Variants in JCAD observed in about 807,000 individuals in gnomAD.
The protein encoded by JCAD is junctional cadherin 5-associated protein.
A neutral mutation model predicts 98.0 loss-of-function variants in JCAD; 40 were observed. The ratio of observed to expected loss-of-function variants is 0.41; its 90% confidence interval spans 0.32 to 0.53. JCAD has a LOEUF of 0.53. JCAD is among the 20% of genes least tolerant of loss of function. The pLI is 0.31. For missense variants in JCAD, 1,705 were observed against 1,738.1 expected (o/e 0.98, Z 0.34); for synonymous variants, 691 against 682.3 (o/e 1.01, Z -0.20).
chr10:30,025,787 G>C (rs1836777457), intron 3 of JCAD, among the ~76,000 whole-genome samples: 1 of 151,930 alleles, frequency 6.6e-6, no homozygotes, highest in African/African-American at 2.4e-5. Flanking sequence ...TACTCGGGAG[G>C]CTGAGGTGGG....
intron 1 of JCAD, among the ~76,000 whole-genome samples, chr10:30,082,649 T>A (rs1415693162): frequency 1.3e-5 from 2 of 151,612 alleles, no homozygotes; most frequent in East Asian, 3.9e-4. Context: ...GTCAGCAGTT[T>A]GAGACCAGCC....
In JCAD at chr10:30,029,162, C is replaced by A. The variant is rs762207974; in HGVS notation, c.986G>T (p.Cys329Phe). Residue 329 changes from cysteine (C) to phenylalanine (F), a missense_variant, in exon 3 of 4, where the codon TGC becomes TTC. Cys to Phe is a radical substitution (Grantham distance 205). Transcript: ENST00000375377. ...AGGTTCCAATCCAGGGTCTGACAGG[C>A]AGAGCTCATGCCTGGGGACATAGGC... ...MDAYVPRHEL[C>F]LSDPGLEPPV... 4 of 1,614,176 alleles carry A rather than the reference C, an allele frequency of 2.5e-6. No homozygotes were observed. Among genetic ancestry groups the A allele is most frequent in the South Asian group, 2.2e-5 (2 of 91,076 alleles).
In JCAD at chr10:30,015,566, C is replaced by T. The variant is rs1391138374; in HGVS notation, c.*2317G>A. 1.3e-5 allele frequency: 2 copies of T among 152,100 alleles called. No homozygotes were observed. The highest frequency in any genetic ancestry group is 4.8e-5 in the African/African-American group (2 of 41,422). The allele number at this position is 152,100 out of a possible 1,614,324, so 9.4% of individuals were successfully genotyped here. On this transcript the variant is annotated 3_prime_UTR_variant, in exon 4 of 4. Coordinates refer to ENST00000375377, the MANE Select transcript of JCAD (RefSeq NM_020848.4). ...ATGGTTTCAGAAAGATATGATACAA[C>T]AATTTAAGATAACAAAACAGAAGCG...
chr10:30,110,286 A>G (rs1838667502), intron 1 of JCAD, among the ~76,000 whole-genome samples: 1 of 150,304 alleles, frequency 6.7e-6, no homozygotes, highest in Non-Finnish European at 1.5e-5. Flanking sequence ...TGTATAGACC[A>G]GCTGATGTAT....
intron 1 of JCAD, among the ~76,000 whole-genome samples, chr10:30,079,047 C>T (rs1014961648): frequency 2.6e-5 from 4 of 152,136 alleles, no homozygotes; most frequent in African/African-American, 9.7e-5. Context: ...AGCAGGGAAA[C>T]CCACCTCTGC....
rs780738113 is a variant in JCAD, at chr10:30,027,251, T to G, written c.2897A>C (p.Asp966Ala). 6.2e-7 allele frequency: 1 copy of G among 1,614,208 alleles called. No homozygotes were observed. Among genetic ancestry groups the G allele is most frequent in the Non-Finnish European group, 8.5e-7 (1 of 1,180,042 alleles). The change falls in exon 3 of 4, where the codon GAC (aspartate) becomes GCC (alanine). Residue 966 changes from aspartate to alanine, a missense_variant. Coordinates refer to ENST00000375377, the MANE Select transcript of JCAD (RefSeq NM_020848.4). ...AGGAAATGGGCTACCTGCCAGCTCG[T>G]CCATTCCGTTGCTAACCTCCAGGTG... ...KRHLEVSNGM[D>A]ELAGSPFPVT...
chr10:30,026,697 A>G lies in JCAD; in HGVS notation c.3451T>C (p.Cys1151Arg). The G allele has an allele frequency of 6.2e-7, 1 of 1,613,650 alleles. No homozygotes were observed. Reference protein sequence around the residue: ...STDAFYGRRKCGWTKSPLFVG... With the variant: ...STDAFYGRRKRGWTKSPLFVG... ...AAGAGAGGGCTCTTGGTCCAGCCGC[A>G]CTTCCTCCTGCCATAAAAGGCATCA... Residue 1151 changes from cysteine to arginine, a missense_variant, in exon 3 of 4, where the codon TGC (cysteine) becomes CGC (arginine). Coordinates refer to ENST00000375377, the MANE Select transcript of JCAD (RefSeq NM_020848.4).
chr10:30,081,760 C>G (rs7099236), intron 1 of JCAD, among the ~76,000 whole-genome samples: 4,747 of 152,126 alleles, frequency 0.031, 178 homozygotes, highest in African/African-American at 0.089. Context: ...AATGCTAGCA[C>G]GTACCAGCAG....
At chr10:30,069,640 A>G (rs1343379699) in intron 2 of JCAD, 1 of 138,996 alleles carries the variant, frequency 7.2e-6, no homozygotes, top group Non-Finnish European at 1.5e-5. Context: ...TAATTCTTTA[A>G]TATATAAAAT....
intron 1 of JCAD, among the ~76,000 whole-genome samples, chr10:30,111,607 C>T (rs1338673765): frequency 1.3e-5 from 2 of 152,112 alleles, no homozygotes; most frequent in East Asian, 1.9e-4. Flanking sequence ...TGTGATGTGA[C>T]ATGACATGAT....
In JCAD at chr10:30,028,168, T is replaced by G. The variant is rs1297023247; in HGVS notation, c.1980A>C (p.Gln660His). Reference protein sequence around the residue: ...QDLGEPEEDRQTNDLSFIHLT... With the variant: ...QDLGEPEEDRHTNDLSFIHLT... ...GGTGGATGAAACTGAGGTCATTTGT[T>G]TGTCTGTCTTCTTCTGGTTCCCCTA... Residue 660 changes from glutamine to histidine, a missense_variant, in exon 3 of 4, where the codon CAA (glutamine) becomes CAC (histidine). Physicochemically the swap from Gln to His is conservative, Grantham distance 24. Coordinates refer to ENST00000375377, the MANE Select transcript of JCAD (RefSeq NM_020848.4). The G allele has an allele frequency of 1.2e-6, 2 of 1,614,244 alleles. No homozygotes were observed. Among genetic ancestry groups the G allele is most frequent in the Middle Eastern group, 1.6e-4 (1 of 6,062 alleles).
At position 30,109,376 on chromosome 10, in the gene JCAD, T is replaced by C. The variant is rs569229656; in HGVS notation, n.128+5991A>G. ...CCTTCCCTTTTTCCTACTCCTAATGTCCCTATCTAGTTAATGGTGCCACCA... is the reference window on the plus strand; with the variant it reads ...CCTTCCCTTTTTCCTACTCCTAATGCCCCTATCTAGTTAATGGTGCCACCA... On this transcript the variant is annotated intron_variant and non_coding_transcript_variant, in intron 1 of 2. Transcript: ENST00000465712. Among the ~76,000 whole-genome samples, 50 of 152,274 alleles carry C rather than the reference T, an allele frequency of 3.3e-4. No homozygotes were observed. The Middle Eastern group carries it at 0.017, about 52-fold the overall frequency.
Position 30,014,137 on chromosome 10 carries a change from A to C in JCAD, c.*3746T>G, listed in dbSNP as rs1307585906. 6.6e-6 allele frequency: 1 copy of C among 152,314 alleles called. No homozygotes were observed. Among genetic ancestry groups the C allele is most frequent in the African/African-American group, 2.4e-5 (1 of 41,564 alleles). The allele number at this position is 152,314 out of a possible 1,614,324, so 9.4% of individuals were successfully genotyped here. A position where few individuals can be genotyped will look rare whatever the true frequency, so the allele number is the denominator to read the frequency against. On this transcript the variant is annotated 3_prime_UTR_variant, in exon 4 of 4. Coordinates refer to ENST00000375377, the MANE Select transcript of JCAD (RefSeq NM_020848.4). Reference sequence around the variant, plus strand: ...TGGAGAAGGACCTCCCGCCATGCAGATTCTTAAAGGTCACTGGAATGTGTC... The same window carrying C: ...TGGAGAAGGACCTCCCGCCATGCAGCTTCTTAAAGGTCACTGGAATGTGTC...
chr10:30,068,231 A>T (rs1788183586), intron 2 of JCAD, among the ~76,000 whole-genome samples: 1 of 152,020 alleles, frequency 6.6e-6, no homozygotes, highest in Admixed American at 6.6e-5. Flanking sequence ...TCTACTAAAA[A>T]TACAAAAAAA....
In JCAD at chr10:30,047,724, C is replaced by A; in HGVS notation, c.89G>T (p.Arg30Leu). 2 of 1,614,242 alleles carry A rather than the reference C, an allele frequency of 1.2e-6. No individual in the cohort carries two copies. Among genetic ancestry groups the A allele is most frequent in the Non-Finnish European group, 1.7e-6 (2 of 1,180,046 alleles). The change falls in exon 2 of 4, where the codon CGC (arginine) becomes CTC (leucine). Residue 30 changes from arginine (R) to leucine (L), a missense_variant. Around this residue, in one of 3 missense-constraint regions of JCAD, gnomAD observed 152 missense variants for 148.0 expected, o/e 1.03. Coordinates refer to ENST00000375377, the MANE Select transcript of JCAD (RefSeq NM_020848.4). ...PASREDNPKG[R>L]QAARTGTRAG... is the part of the protein sequence containing the mutation. ...TCGTGTCCCAGTCCTCGCTGCCTGG[C>A]GCCCCTTGGGGTTATCCTCGCGTGA...
At chr10:30,097,786 G>A (rs1838398999) in intron 1 of JCAD, among the ~76,000 whole-genome samples, 1 of 151,966 alleles carries the variant, frequency 6.6e-6, no homozygotes, top group Admixed American at 6.6e-5. Flanking sequence ...ATAAATAAAG[G>A]AAAGAAAAGA....
intron 1 of JCAD, among the ~76,000 whole-genome samples, chr10:30,092,098 T>TTAAATATATATATATA (rs11268260): frequency 0.012 from 538 of 44,506 alleles, 34 homozygotes; most frequent in East Asian, 0.031. Flanking sequence ...TAAAGTTACT[T>TTAAATATATATATATA]TATATATATA....
intron 1 of JCAD, among the ~76,000 whole-genome samples, chr10:30,053,921 G>A (rs1837518421): frequency 6.6e-6 from 1 of 152,050 alleles, no homozygotes; most frequent in Non-Finnish European, 1.5e-5. Context: ...GAAAAATTAG[G>A]TGTAGTGGCA....
chr10:30,036,424 G>A (rs1410629063), intron 2 of JCAD, among the ~76,000 whole-genome samples: 1 of 151,720 alleles, frequency 6.6e-6, no homozygotes, highest in Non-Finnish European at 1.5e-5. Context: ...ACTCCAGCCT[G>A]GGCAGTACAG....
Sources: gnomAD v4.1 joint callset for allele counts (sites outside exome capture counted in the v4.1 genomes callset) on GRCh38, gnomAD v4.1.1 for gene constraint, gnomAD v4.1.1 regional missense constraint, MANE v1.5 for transcripts, NCBI Gene and HGNC (gene_info 2026-07-23, HGNC 2026-07-21) for gene names.